ADNP: variants seen among roughly 807,000 people sequenced by gnomAD.
ADNP encodes the protein activity-dependent neuroprotector homeobox protein.
A neutral mutation model predicts 84.9 loss-of-function variants in ADNP; 4 were observed. The ratio of observed to expected loss-of-function variants is 0.05; its 90% CI spans 0.02 to 0.11. The LOEUF is 0.11. Ranked by LOEUF, ADNP falls within the 10% of genes least tolerant of loss-of-function variation. ADNP has a pLI of 1.00. For missense variants in ADNP, 1,132 were observed against 1,326.0 expected, an observed-to-expected ratio of 0.85 and a Z score of 2.27; for synonymous variants, 554 against 468.1, an observed-to-expected ratio of 1.18 and a Z score of -2.37.
At position 50,915,363 on chromosome 20, in the gene ADNP, C is replaced by T. The variant is rs967085019; in HGVS notation, c.-89-10514G>A. On this transcript the variant is annotated intron_variant, in intron 2 of 5. Coordinates refer to ENST00000621696, the MANE Select transcript of ADNP (RefSeq NM_001282531.3). ...ACATACTTTATTTGCTTTACATGTG[C>T]CATTAAGCCCTACATTTAAATCAAA... Among the ~76,000 whole-genome samples the T allele has an allele frequency of 2.6e-5, 4 of 152,184 alleles. No individual in the cohort carries two copies. In the East Asian group the frequency reaches 5.8e-4, roughly 22 times the overall value.
chr20:50,920,090 A>G (rs150239370), intron 2 of ADNP, among the ~76,000 whole-genome samples: 5 of 151,014 alleles, frequency 3.3e-5, no homozygotes, highest in Non-Finnish European at 7.4e-5. Context: ...CAGCCTGGCG[A>G]ATATGGTGAA....
chr20:50,896,729 C>T (rs1255505145), intron 5 of ADNP, among the ~76,000 whole-genome samples: 1 of 152,120 alleles, frequency 6.6e-6, no homozygotes, highest in African/African-American at 2.4e-5. Context: ...ATGGAACTGC[C>T]ATCTCCCATG....
At chr20:50,919,291 G>GTATATATATATATATATATATATA (rs199569280) in intron 2 of ADNP, among the ~76,000 whole-genome samples, 3 of 77,208 alleles carry the variant, frequency 3.9e-5, no homozygotes, top group Admixed American at 1.3e-4. Flanking sequence ...ATATTTAAGT[G>GTATATATATATATATATATATATA]TATATATATA....
intron 2 of ADNP, among the ~76,000 whole-genome samples, chr20:50,917,214 A>C (rs1983575325): frequency 6.6e-6 from 1 of 152,224 alleles, no homozygotes; most frequent in African/African-American, 2.4e-5. Flanking sequence ...AAAGTGCCAG[A>C]ACTTCAATAC....
intron 5 of ADNP, among the ~76,000 whole-genome samples, chr20:50,901,619 A>G (rs1302982974): frequency 1.3e-5 from 2 of 152,276 alleles, no homozygotes; most frequent in African/African-American, 2.4e-5. Context: ...CAGGCCTCCC[A>G]TAGAAGTTGG....
rs3069819 is a variant in ADNP at position 50,909,363 on chromosome 20, CAAAAAAAAAAAAAAA to C, written c.-89-4529_-89-4515del. On this transcript the variant is annotated intron_variant, in intron 2 of 5. Coordinates refer to ENST00000621696, the MANE Select transcript of ADNP (RefSeq NM_001282531.3). ...GTGGGCGACAAGAGTAAAACTGTCT[CAAAAAAAAAAAAAAA>C]AAAAAAAAAAAAAAAGAAATCAGAT... The C allele has an allele frequency of 2.9e-4, 13 of 44,356 alleles. No individual in the cohort carries two copies. In the East Asian group the frequency reaches 3.8e-3, roughly 13 times the overall value. The allele number at this position is 44,356 out of a possible 1,614,324, so 2.7% of individuals were successfully genotyped here. A position where few individuals can be genotyped will look rare whatever the true frequency, so the allele number is the denominator to read the frequency against.
chr20:50,908,147 G>GTTT (rs142605027), intron 2 of ADNP, among the ~76,000 whole-genome samples: 75 of 105,892 alleles, frequency 7.1e-4, no homozygotes, highest in African/African-American at 2.0e-3. Flanking sequence ...AGATTTTTCT[G>GTTT]TTTTTTTTTT....
rs552903532 is a variant in ADNP at position 50,893,765 on chromosome 20, T to C, written c.949A>G (p.Thr317Ala). 5.7e-5 allele frequency: 92 copies of C among 1,614,170 alleles called. 1 individual carries two copies. In the South Asian group the frequency reaches 7.4e-4, roughly 13 times the overall value. The change falls in exon 6 of 6, where the codon ACA (threonine) becomes GCA (alanine). Residue 317 changes from threonine (T) to alanine (A), a missense_variant. Physicochemically the swap from Thr to Ala is moderately conservative, Grantham distance 58. Transcript: ENST00000621696. The surrounding 1 kb of genome is among the most constrained non-coding windows in gnomAD (Gnocchi z 4.4). ...ACACTGGACATCATGTTGACTCCTGTAGAATTTAAGTTAGGCTTTGGTATT... is the reference window on the plus strand; with the variant it reads ...ACACTGGACATCATGTTGACTCCTGCAGAATTTAAGTTAGGCTTTGGTATT... ...LSIPKPNLNS[T>A]GVNMMSSVHL... is the part of the protein sequence containing the mutation.
chr20:50,891,874 T>C lies in ADNP; in HGVS notation c.2840A>G (p.Lys947Arg). The part of the protein sequence containing the change: ...ETIHLTEEPT[K>R]LMHNASDSEV... Reference sequence around the variant, plus strand: ...ACTATCAGATGCATTGTGCATTAGTTTGGTTGGTTCCTCAGTCAAATGAAT... The same window carrying C: ...ACTATCAGATGCATTGTGCATTAGTCTGGTTGGTTCCTCAGTCAAATGAAT... Residue 947 changes from lysine to arginine, a missense_variant, in exon 6 of 6, where the codon AAA (lysine) becomes AGA (arginine). Physicochemically the swap from Lys to Arg is conservative, Grantham distance 26. Around this residue, in one of 10 missense-constraint regions of ADNP, gnomAD observed 381 missense variants for 319.9 expected, o/e 1.19. Transcript: ENST00000621696. 6.2e-7 allele frequency: 1 copy of C among 1,614,236 alleles called. No individual in the cohort carries two copies. The highest frequency in any genetic ancestry group is 8.5e-7 in the Non-Finnish European group (1 of 1,180,044).
At chr20:50,920,875 C>T (rs185627608) in intron 2 of ADNP, among the ~76,000 whole-genome samples, 69 of 152,254 alleles carry the variant, frequency 4.5e-4, no homozygotes, top group Non-Finnish European at 5.6e-4. Context: ...ACCTCCTTAA[C>T]AAGAGGTAGG....
chr20:50,911,244 T>C (rs934832900), intron 2 of ADNP, among the ~76,000 whole-genome samples: 1 of 152,226 alleles, frequency 6.6e-6, no homozygotes, highest in African/African-American at 2.4e-5. Context: ...TTTGGTTTTG[T>C]TGCTTGTGCT....
At chr20:50,912,131 A>C (rs1983094024) in intron 2 of ADNP, among the ~76,000 whole-genome samples, 1 of 152,060 alleles carries the variant, frequency 6.6e-6, no homozygotes, top group African/African-American at 2.4e-5. Context: ...CCTAAACATA[A>C]GCTGCACTTA....
chr20:50,906,238 T>C (rs778146580), intron 2 of ADNP, among the ~76,000 whole-genome samples: 3 of 151,964 alleles, frequency 2.0e-5, no homozygotes, highest in Non-Finnish European at 4.4e-5. Flanking sequence ...ACACATACAG[T>C]TACTACAAAC....
intron 2 of ADNP, among the ~76,000 whole-genome samples, chr20:50,913,517 TAACTA>T (rs1568735199): frequency 6.6e-6 from 1 of 152,206 alleles, no homozygotes; most frequent in Non-Finnish European, 1.5e-5. Context: ...ACCAATGATC[TAACTA>T]AAAAATGTTA....
Position 50,889,616 on chromosome 20 carries a change from C to G in ADNP, c.*1789G>C, listed in dbSNP as rs1372771288. 3.1e-5 allele frequency: 11 copies of G among 356,472 alleles called. No homozygotes were observed. Among genetic ancestry groups the G allele is most frequent in the Non-Finnish European group, 4.5e-5 (9 of 200,048 alleles). The allele number at this position is 356,472 out of a possible 1,614,324, so 22.1% of individuals were successfully genotyped here. ...AGAGTCTTTCTTTTGGAAACAGACT[C>G]AGAAGTTATGGACATCAGCCACTTC... On this transcript the variant is annotated 3_prime_UTR_variant, in exon 6 of 6. Transcript: ENST00000621696.
Position 50,889,901 on chromosome 20 carries a change from A to C in ADNP, c.*1504T>G, listed in dbSNP as rs1980478237. ...GGCCAAGAGTGGCAAATAGAGGCAG[A>C]GCCGCCTGCACTACAGTTGTTCCCA... is the stretch of plus-strand genomic sequence containing the variant. On this transcript the variant is annotated 3_prime_UTR_variant, in exon 6 of 6. Coordinates refer to ENST00000621696, the MANE Select transcript of ADNP (RefSeq NM_001282531.3). The C allele has an allele frequency of 7.5e-6, 3 of 398,468 alleles. No individual in the cohort carries two copies. Among genetic ancestry groups the C allele is most frequent in the Non-Finnish European group, 8.8e-6 (2 of 226,078 alleles). The allele number at this position is 398,468 out of a possible 1,614,324, so 24.7% of individuals were successfully genotyped here.
intron 2 of ADNP, among the ~76,000 whole-genome samples, chr20:50,922,880 C>A (rs1984049173): frequency 6.6e-6 from 1 of 152,046 alleles, no homozygotes; most frequent in Non-Finnish European, 1.5e-5. Context: ...CCGCGCCTGG[C>A]CCTCCTGGGT....
intron 2 of ADNP, among the ~76,000 whole-genome samples, chr20:50,915,679 C>A (rs547267214): frequency 6.6e-6 from 1 of 152,252 alleles, no homozygotes; most frequent in South Asian, 2.1e-4. Context: ...GCAGAATGTT[C>A]TTCTGGATTA....
rs761339004 is a variant in ADNP at position 50,893,117 on chromosome 20, T to C, written c.1597A>G (p.Met533Val). The change falls in exon 6 of 6, where the codon ATG (methionine) becomes GTG (valine). Residue 533 changes from methionine (M) to valine (V), a missense_variant. Met to Val is a conservative substitution (Grantham distance 21). Coordinates refer to ENST00000621696, the MANE Select transcript of ADNP (RefSeq NM_001282531.3). This position sits in a 1 kb window ranked among gnomAD's most constrained non-coding sequence, Gnocchi z 4.4. ...DVEKMAAHMR[M>V]VHIDEEMGPK... Reference sequence around the variant, plus strand: ...CCCATCTCTTCATCAATGTGAACCATCCGCATGTGTGCGGCCATCTTTTCC... The same window carrying C: ...CCCATCTCTTCATCAATGTGAACCACCCGCATGTGTGCGGCCATCTTTTCC... The C allele has an allele frequency of 3.9e-5, 63 of 1,614,132 alleles. No individual in the cohort carries two copies. The highest frequency in any genetic ancestry group is 5.2e-5 in the Non-Finnish European group (61 of 1,180,052).
Sources: gnomAD v4.1 joint callset for allele counts (sites outside exome capture counted in the v4.1 genomes callset) on GRCh38, gnomAD v4.1.1 for gene constraint, gnomAD v4.1.1 regional missense constraint, Gnocchi (gnomAD v3.1) non-coding constraint, MANE v1.5 for transcripts, NCBI Gene and HGNC (gene_info 2026-07-23, HGNC 2026-07-21) for gene names.